The following LRRC7 variants were observed in gnomAD, a reference collection of about 807,000 sequenced individuals.
LRRC7 encodes the protein leucine-rich repeat-containing protein 7.
LRRC7 carries 23 observed loss-of-function variants against 175.7 expected under a neutral mutation model. The ratio of observed to expected loss-of-function variants is 0.13; its 90% CI spans 0.09 to 0.19. The LOEUF (loss-of-function observed/expected upper bound fraction) is 0.19, where lower values mean the gene tolerates loss of function less well. Among genes scored for constraint, LRRC7 ranks in the 10% least tolerant of loss-of-function variants. The pLI is 1.00. For synonymous variants in LRRC7, 685 were observed against 680.9 expected (o/e 1.01, Z -0.09); for missense variants, 1,354 against 1,904.7 (o/e 0.71, Z 5.38).
intron 7 of LRRC7, among the ~76,000 whole-genome samples, chr1:69,903,551 AGTGG>A (rs1210863467): frequency 2.0e-5 from 3 of 152,210 alleles, no homozygotes; most frequent in Non-Finnish European, 4.4e-5. Context: ...CACAAGACAA[AGTGG>A]GAAAGATTTA....
intron 1 of LRRC7, among the ~76,000 whole-genome samples, chr1:69,659,942 A>G (rs1657209827): frequency 7.0e-6 from 1 of 143,272 alleles, no homozygotes. Context: ...ATAGCACAAA[A>G]TAAGATAGTA....
intron 2 of LRRC7, among the ~76,000 whole-genome samples, chr1:69,711,379 A>G (rs1258825070): frequency 2.0e-5 from 3 of 152,198 alleles, no homozygotes; most frequent in African/African-American, 4.8e-5. Flanking sequence ...GTTAGTGATC[A>G]TGTCACAAAA....
At position 70,038,809 on chromosome 1, in the gene LRRC7, A is replaced by C; in HGVS notation, c.2985A>C (p.Thr995=). Reference sequence around the variant, plus strand: ...GTATCGATGAGATTGACATTGGTACATATAAGGTGTATAACATACCATTAG... The same window carrying C: ...GTATCGATGAGATTGACATTGGTACCTATAAGGTGTATAACATACCATTAG... ...SQSIDEIDIG[T]YKVYNIPLEN... is the part of the protein sequence containing the mutation. The change falls in exon 21 of 27, where the codon ACA becomes ACC. Residue 995 remains threonine (T), a synonymous_variant. Coordinates refer to ENST00000651989, the MANE Select transcript of LRRC7 (RefSeq NM_001370785.2). 1 of 1,614,150 alleles carries C rather than the reference A, an allele frequency of 6.2e-7. No homozygotes were observed. The highest frequency in any genetic ancestry group is 8.5e-7 in the Non-Finnish European group (1 of 1,180,008).
intron 2 of LRRC7, among the ~76,000 whole-genome samples, chr1:69,712,846 C>T (rs1241987649): frequency 6.6e-6 from 1 of 151,934 alleles, no homozygotes; most frequent in East Asian, 1.9e-4. Flanking sequence ...ATTGCATTAG[C>T]CATGGAAAGG....
At chr1:69,830,824 A>G (rs936300616) in intron 5 of LRRC7, among the ~76,000 whole-genome samples, 2 of 151,932 alleles carry the variant, frequency 1.3e-5, no homozygotes, top group African/African-American at 4.8e-5. Flanking sequence ...ATGTCAATAC[A>G]TCTTTTTTTA....
Position 70,125,422 on chromosome 1 carries a change from T to C in LRRC7, c.*3535T>C, listed in dbSNP as rs1666400740. 6.6e-6 allele frequency among the ~76,000 whole-genome samples: 1 copy of C among 152,196 alleles called. No individual in the cohort carries two copies. The highest frequency in any genetic ancestry group is 6.5e-5 in the Admixed American group (1 of 15,280). On this transcript the variant is annotated 3_prime_UTR_variant, in exon 27 of 27. Coordinates refer to ENST00000651989, the MANE Select transcript of LRRC7 (RefSeq NM_001370785.2). The stretch of plus-strand genomic sequence containing the variant: ...AGCCAATGTTAATTTGCTCTTAATC[T>C]TAAAGATGATTGCACACATATCACT...
rs140600944 is a variant in LRRC7, at chr1:70,038,779, A to G, written c.2955A>G (p.Ser985=). 1 of 1,614,046 alleles carries G rather than the reference A, an allele frequency of 6.2e-7. No individual in the cohort carries two copies. Among genetic ancestry groups the G allele is most frequent in the Non-Finnish European group, 8.5e-7 (1 of 1,179,984 alleles). The part of the protein sequence containing the change: ...KDIKSNKFKK[S]QSIDEIDIGT... ...TCAAGTCTAATAAATTCAAAAAGTCACAGAGTATCGATGAGATTGACATTG... is the reference window on the plus strand; with the variant it reads ...TCAAGTCTAATAAATTCAAAAAGTCGCAGAGTATCGATGAGATTGACATTG... Residue 985 remains serine (S), a synonymous_variant, in exon 21 of 27, where the codon TCA becomes TCG. Transcript: ENST00000651989.
At chr1:69,710,278 C>CAAAAAAAAAAA (rs77553066) in intron 2 of LRRC7, among the ~76,000 whole-genome samples, 3 of 87,176 alleles carry the variant, frequency 3.4e-5, no homozygotes, top group Admixed American at 2.8e-4. Context: ...GACTCCGTCT[C>CAAAAAAAAAAA]AAAAAAAAAA....
chr1:69,643,871 TA>T (rs896250294), intron 1 of LRRC7, among the ~76,000 whole-genome samples: 2 of 151,488 alleles, frequency 1.3e-5, no homozygotes, highest in East Asian at 1.9e-4. Flanking sequence ...AATTAGGAAT[TA>T]AAAAAAAACT....
intron 10 of LRRC7, among the ~76,000 whole-genome samples, chr1:69,990,150 A>G (rs987432565): frequency 1.3e-5 from 2 of 152,132 alleles, no homozygotes; most frequent in Non-Finnish European, 2.9e-5. Context: ...AAGGAAGTGA[A>G]TGCATAAAGC....
At chr1:70,055,571 A>G (rs1661083251) in intron 23 of LRRC7, among the ~76,000 whole-genome samples, 1 of 152,186 alleles carries the variant, frequency 6.6e-6, no homozygotes, top group African/African-American at 2.4e-5. Flanking sequence ...ATTGACTCAC[A>G]GTTCCTCAGG....
chr1:69,897,222 A>T (rs1292592217), intron 7 of LRRC7, among the ~76,000 whole-genome samples: 1 of 152,174 alleles, frequency 6.6e-6, no homozygotes, highest in Non-Finnish European at 1.5e-5. Context: ...GATTCCAGAC[A>T]ATCTGACTTC....
At chr1:69,836,581 C>CA (rs1681131890) in intron 6 of LRRC7, among the ~76,000 whole-genome samples, 1 of 151,836 alleles carries the variant, frequency 6.6e-6, no homozygotes, top group African/African-American at 2.4e-5. Flanking sequence ...AAATTGCCTA[C>CA]AAAAAATATG....
At chr1:69,683,433 T>C (rs1314719149) in intron 2 of LRRC7, among the ~76,000 whole-genome samples, 1 of 152,198 alleles carries the variant, frequency 6.6e-6, no homozygotes, top group East Asian at 1.9e-4. Context: ...ATAGCCATAC[T>C]GTGGATTATA....
intron 7 of LRRC7, among the ~76,000 whole-genome samples, chr1:69,898,244 T>C (rs1349010195): frequency 2.6e-5 from 4 of 152,048 alleles, no homozygotes; most frequent in East Asian, 1.9e-4. Flanking sequence ...ACATAATAAA[T>C]TGGAAAGGCA....
chr1:69,781,839 A>AAGGAAGGG (rs1557720537), intron 3 of LRRC7, among the ~76,000 whole-genome samples: 21 of 85,122 alleles, frequency 2.5e-4, no homozygotes, highest in African/African-American at 9.2e-4. Flanking sequence ...GGAAGGAAGG[A>AAGGAAGGG]AGGAAGGGAG....
intron 3 of LRRC7, among the ~76,000 whole-genome samples, chr1:69,786,762 TAAC>T (rs1437884759): frequency 6.6e-6 from 1 of 152,122 alleles, no homozygotes; most frequent in Admixed American, 6.6e-5. Flanking sequence ...TGGGTCCCTC[TAAC>T]AACACGTGGG....
chr1:69,809,252 TAAC>T (rs748114320), intron 4 of LRRC7, among the ~76,000 whole-genome samples: 7 of 152,164 alleles, frequency 4.6e-5, no homozygotes, highest in Non-Finnish European at 7.4e-5. Context: ...AATAGATAAA[TAAC>T]AAGTTCTGAA....
At chr1:70,109,435 T>C (rs1665373731) in intron 26 of LRRC7, among the ~76,000 whole-genome samples, 1 of 152,216 alleles carries the variant, frequency 6.6e-6, no homozygotes, top group African/African-American at 2.4e-5. Context: ...AATGTCACAA[T>C]AGAAACACCA....
Sources: allele counts gnomAD v4.1 joint callset (sites outside exome capture counted in the v4.1 genomes callset), GRCh38; gene constraint gnomAD v4.1.1; transcripts MANE v1.5; gene names NCBI Gene and HGNC (gene_info 2026-07-23, HGNC 2026-07-21).